The following ITFG1 variants were observed in gnomAD, a reference collection of about 807,000 sequenced individuals.
ITFG1 encodes the protein integrin alpha FG-GAP repeat containing 1, also known as T-cell immunomodulatory protein.
ITFG1 carries 34 observed loss-of-function variants against 81.8 expected under a neutral mutation model. The observed-to-expected ratio is 0.42, with a 90% confidence interval of 0.32 to 0.55. The LOEUF is 0.55. Ranked by LOEUF, ITFG1 falls within the 20% of genes least tolerant of loss-of-function variation. The pLI is 0.17. For synonymous variants in ITFG1, 285 were observed against 270.6 expected, an observed-to-expected ratio of 1.05 and a Z score of -0.52; for missense variants, 672 against 755.4, an observed-to-expected ratio of 0.89 and a Z score of 1.29.
At chr16:47,444,650 TTTC>T (rs1423275331) in intron 5 of ITFG1, among the ~76,000 whole-genome samples, 7 of 152,154 alleles carry the variant, frequency 4.6e-5, no homozygotes, top group Non-Finnish European at 8.8e-5. Flanking sequence ...TAAATGGAAT[TTTC>T]TTGATATGAT....
chr16:47,387,260 G>C (rs1968474128), intron 6 of ITFG1, among the ~76,000 whole-genome samples: 1 of 152,046 alleles, frequency 6.6e-6, no homozygotes, highest in African/African-American at 2.4e-5. Flanking sequence ...CACACTACAG[G>C]GAAAATAATC....
chr16:47,296,309 C>T (rs1465634488), intron 10 of ITFG1, among the ~76,000 whole-genome samples: 1 of 151,560 alleles, frequency 6.6e-6, no homozygotes, highest in Non-Finnish European at 1.5e-5. Context: ...TTTGCTATAT[C>T]CCAGGGGTTT....
intron 14 of ITFG1, among the ~76,000 whole-genome samples, chr16:47,214,468 A>G (rs888200337): frequency 2.0e-5 from 3 of 152,210 alleles, no homozygotes; most frequent in Admixed American, 6.5e-5. Context: ...AATTTTGCCA[A>G]TGTACTCCAT....
intron 8 of ITFG1, among the ~76,000 whole-genome samples, chr16:47,339,291 T>C (rs1353778469): frequency 1.3e-5 from 2 of 152,234 alleles, no homozygotes; most frequent in African/African-American, 2.4e-5. Flanking sequence ...TGATTTCCTT[T>C]CTTTTGGGCA....
chr16:47,314,154 C>A lies in ITFG1; in HGVS notation c.803-331G>T, dbSNP rs139793233. Among the ~76,000 whole-genome samples the A allele has an allele frequency of 3.4e-4, 51 of 152,178 alleles. No homozygotes were observed. The East Asian group carries it at 9.7e-3, about 29-fold the overall frequency. ...TACCCCAACCCATGTAACAAACCTA[C>A]ACATGGACTCCTTGAATTTAAAATA... On this transcript the variant is annotated intron_variant, in intron 8 of 17. Transcript: ENST00000320640.
intron 6 of ITFG1, among the ~76,000 whole-genome samples, chr16:47,404,955 AT>A (rs1455403191): frequency 6.6e-6 from 1 of 150,768 alleles, no homozygotes; most frequent in Non-Finnish European, 1.5e-5. Context: ...TTTTTTTCCC[AT>A]TTTTTTCTAG....
chr16:47,270,489 T>G lies in ITFG1; in HGVS notation c.1071-9794A>C, dbSNP rs117586750. Among the ~76,000 whole-genome samples, 35 of 152,336 alleles carry G rather than the reference T, an allele frequency of 2.3e-4. No individual in the cohort carries two copies. The East Asian group carries it at 6.7e-3, about 29-fold the overall frequency. Reference sequence around the variant, plus strand: ...GATTTTGGAGAAAATGTGGAGAAACTGGCATGTCTGCCATTTTCTTAAAAA... The same window carrying G: ...GATTTTGGAGAAAATGTGGAGAAACGGGCATGTCTGCCATTTTCTTAAAAA... On this transcript the variant is annotated intron_variant, in intron 10 of 17. Coordinates refer to ENST00000320640, the MANE Select transcript of ITFG1 (RefSeq NM_030790.5).
chr16:47,265,178 ATT>A (rs5816573), intron 10 of ITFG1, among the ~76,000 whole-genome samples: 111 of 148,814 alleles, frequency 7.5e-4, no homozygotes, highest in Middle Eastern at 3.5e-3. Context: ...CCAGCCTTTT[ATT>A]TTTTTTTTTT....
chr16:47,282,995 G>A (rs558818064), intron 10 of ITFG1, among the ~76,000 whole-genome samples: 1 of 152,080 alleles, frequency 6.6e-6, no homozygotes, highest in East Asian at 1.9e-4. Context: ...TTTGTCAGAT[G>A]TTCAGTTTGC....
intron 17 of ITFG1, among the ~76,000 whole-genome samples, chr16:47,156,389 G>A (rs1964707625): frequency 6.6e-6 from 1 of 152,170 alleles, no homozygotes; most frequent in Non-Finnish European, 1.5e-5. Context: ...GGTGAGTCAA[G>A]ATTGCACCAC....
intron 10 of ITFG1, among the ~76,000 whole-genome samples, chr16:47,297,040 T>C (rs537015413): frequency 6.6e-6 from 1 of 152,300 alleles, no homozygotes; most frequent in South Asian, 2.1e-4. Context: ...CCCACTATTA[T>C]TGTATTATTG....
At chr16:47,422,279 C>CTTACACTCACACCAACAGTGTAAAAGTG (rs1968960662) in intron 6 of ITFG1, among the ~76,000 whole-genome samples, 1 of 152,176 alleles carries the variant, frequency 6.6e-6, no homozygotes, top group Non-Finnish European at 1.5e-5. Context: ...GTCGAACTAA[C>CTTACACTCACACCAACAGTGTAAAAGTG]TTACACTCAC....
intron 6 of ITFG1, among the ~76,000 whole-genome samples, chr16:47,412,442 A>G (rs1437337174): frequency 1.3e-5 from 2 of 152,084 alleles, no homozygotes; most frequent in African/African-American, 4.8e-5. Flanking sequence ...ATTCACTACA[A>G]AGGCTGGGCA....
intron 5 of ITFG1, among the ~76,000 whole-genome samples, chr16:47,434,161 T>C (rs1307816917): frequency 6.6e-6 from 1 of 151,566 alleles, no homozygotes; most frequent in Non-Finnish European, 1.5e-5. Context: ...AAATATTTCA[T>C]GATGAAAATG....
At position 47,461,063 on chromosome 16, in the gene ITFG1, C is replaced by T. The variant is rs552862718; in HGVS notation, c.-18G>A. 2.0e-6 allele frequency: 3 copies of T among 1,517,176 alleles called. No homozygotes were observed. The highest frequency in any genetic ancestry group is 2.5e-5 in the South Asian group (2 of 80,802). The allele number at this position is 1,517,176 out of a possible 1,614,324, so 94.0% of individuals were successfully genotyped here. ...GCCGCCATGGCAGCCCCTCAGCCCC[C>T]GCCCGCCGGCCCAACGCCGCGCTTG... On this transcript the variant is annotated 5_prime_UTR_variant, in exon 1 of 18. Coordinates refer to ENST00000320640, the MANE Select transcript of ITFG1 (RefSeq NM_030790.5).
chr16:47,324,441 T>G (rs546839221), intron 8 of ITFG1, among the ~76,000 whole-genome samples: 1 of 152,060 alleles, frequency 6.6e-6, no homozygotes. Flanking sequence ...ACAAGCAAAA[T>G]AGCCAGCTAA....
intron 14 of ITFG1, among the ~76,000 whole-genome samples, chr16:47,168,879 A>T (rs1672261893): frequency 6.6e-6 from 1 of 152,120 alleles, no homozygotes; most frequent in Non-Finnish European, 1.5e-5. Context: ...TTGATCCATG[A>T]GTTAATTATT....
intron 6 of ITFG1, among the ~76,000 whole-genome samples, chr16:47,381,753 A>G (rs1010505732): frequency 3.3e-5 from 5 of 152,218 alleles, no homozygotes; most frequent in Non-Finnish European, 7.3e-5. Flanking sequence ...AAGTATACTG[A>G]AGGCCATATG....
chr16:47,358,580 A>ACTTTT (rs1968070387), intron 8 of ITFG1, among the ~76,000 whole-genome samples: 1 of 152,232 alleles, frequency 6.6e-6, no homozygotes, highest in Non-Finnish European at 1.5e-5. Flanking sequence ...AATCAAAATA[A>ACTTTT]GCAAAAGTAA....
Sources: gnomAD v4.1 joint callset for allele counts (sites outside exome capture counted in the v4.1 genomes callset) on GRCh38, gnomAD v4.1.1 for gene constraint, MANE v1.5 for transcripts, NCBI Gene and HGNC (gene_info 2026-07-23, HGNC 2026-07-21) for gene names.